The following DIAPH3 variants were observed in gnomAD, a reference collection of about 807,000 sequenced individuals.
DIAPH3 encodes the protein protein diaphanous homolog 3.
DIAPH3 carries 117 observed loss-of-function variants against 144.3 expected under a neutral mutation model. The ratio of observed to expected loss-of-function variants is 0.81; its 90% CI spans 0.70 to 0.95. The LOEUF is 0.95. Among genes scored for constraint, DIAPH3 ranks in the 40% least tolerant of loss-of-function variants. The pLI, the probability that DIAPH3 is intolerant of heterozygous loss-of-function variation, is 0.00. For missense variants in DIAPH3, 1,421 were observed against 1,412.7 expected (o/e 1.01, Z -0.09); for synonymous variants, 519 against 488.9 (o/e 1.06, Z -0.81).
At chr13:59,673,613 C>T (rs1182961101) in intron 27 of DIAPH3, among the ~76,000 whole-genome samples, 1 of 152,076 alleles carries the variant, frequency 6.6e-6, no homozygotes, top group Non-Finnish European at 1.5e-5. Flanking sequence ...TTAACCAAGC[C>T]AGAAAGACCA....
intron 27 of DIAPH3, among the ~76,000 whole-genome samples, chr13:59,735,796 T>G (rs1234047331): frequency 6.6e-6 from 1 of 152,156 alleles, no homozygotes; most frequent in Non-Finnish European, 1.5e-5. Context: ...TAACTTCTAT[T>G]TTAAGTTCAG....
chr13:59,815,668 C>T (rs988958907), intron 24 of DIAPH3, among the ~76,000 whole-genome samples: 1 of 151,972 alleles, frequency 6.6e-6, no homozygotes, highest in African/African-American at 2.4e-5. Context: ...ATTGTCTAAG[C>T]TGGTCTTGAA....
At chr13:60,160,022 G>A (rs544036328) in intron 1 of DIAPH3, among the ~76,000 whole-genome samples, 15 of 152,214 alleles carry the variant, frequency 9.9e-5, no homozygotes, top group Admixed American at 6.5e-4. Flanking sequence ...TCAGGAGTTC[G>A]AGACCATCCT....
chr13:60,006,300 T>C (rs1790939756), intron 9 of DIAPH3, among the ~76,000 whole-genome samples: 1 of 152,208 alleles, frequency 6.6e-6, no homozygotes, highest in Non-Finnish European at 1.5e-5. Context: ...GGGCTTTGTC[T>C]TTAACAAGCC....
chr13:59,936,636 G>C (rs927782054), intron 17 of DIAPH3, among the ~76,000 whole-genome samples: 1 of 152,108 alleles, frequency 6.6e-6, no homozygotes, highest in African/African-American at 2.4e-5. Flanking sequence ...ACTGAGAGAA[G>C]AAAGTAAAAG....
chr13:59,970,856 A>T lies in DIAPH3; in HGVS notation c.1955T>A (p.Leu652Ter). 1 of 1,612,144 alleles carries T rather than the reference A, an allele frequency of 6.2e-7. No individual in the cohort carries two copies. Among genetic ancestry groups the T allele is most frequent in the Non-Finnish European group, 8.5e-7 (1 of 1,179,392 alleles). The change falls in exon 16 of 28, where the codon TTA (leucine) becomes TAA (stop). Residue 652 changes from leucine to a stop codon, truncating the protein, a stop_gained. Transcript: ENST00000400324. LOFTEE classifies it high-confidence loss of function. ...TCCTCTATTAATTTCTTTTACCTTT[A>T]ACCAATTCAATCTTCTCATGCTGAT... is the stretch of plus-strand genomic sequence containing the variant. ...PEISMRRLNW[L>*]KIRPHEMTEN...
At chr13:59,697,697 C>T (rs2047198581) in intron 27 of DIAPH3, among the ~76,000 whole-genome samples, 1 of 151,966 alleles carries the variant, frequency 6.6e-6, no homozygotes. Flanking sequence ...GTGAGGCCCA[C>T]CATTGGAACA....
intron 18 of DIAPH3, among the ~76,000 whole-genome samples, chr13:59,923,427 C>G (rs1170903916): frequency 2.6e-5 from 4 of 152,022 alleles, no homozygotes; most frequent in Non-Finnish European, 1.5e-5. Context: ...ATATGTACAT[C>G]ATGCAAAAAA....
At chr13:59,766,777 A>T (rs1383629422) in intron 27 of DIAPH3, among the ~76,000 whole-genome samples, 1 of 147,322 alleles carries the variant, frequency 6.8e-6, no homozygotes, top group Non-Finnish European at 1.5e-5. Context: ...TTTTCTTCAT[A>T]TCTAGGCTTT....
intron 25 of DIAPH3, among the ~76,000 whole-genome samples, chr13:59,802,870 G>A (rs141640584): frequency 1.8e-4 from 27 of 148,704 alleles, no homozygotes; most frequent in African/African-American, 6.7e-4. Flanking sequence ...ATTTTTAGTA[G>A]AGACGGGGTT....
chr13:59,818,412 C>A (rs1252177049), intron 24 of DIAPH3, among the ~76,000 whole-genome samples: 1 of 151,902 alleles, frequency 6.6e-6, no homozygotes, highest in Non-Finnish European at 1.5e-5. Context: ...CTTCAGCCTT[C>A]CATTTTTGCA....
intron 27 of DIAPH3, among the ~76,000 whole-genome samples, chr13:59,714,948 C>G (rs796880481): frequency 4.6e-5 from 7 of 151,544 alleles, no homozygotes; most frequent in African/African-American, 1.7e-4. Context: ...TCCATATTCT[C>G]CCTCTCCCAA....
chr13:59,748,384 A>T (rs2139096208), intron 27 of DIAPH3, among the ~76,000 whole-genome samples: 1 of 152,314 alleles, frequency 6.6e-6, no homozygotes, highest in South Asian at 2.1e-4. Context: ...TGAAAACACA[A>T]ATACTCTCTG....
chr13:59,683,998 A>C (rs1460278764), intron 27 of DIAPH3, among the ~76,000 whole-genome samples: 1 of 151,924 alleles, frequency 6.6e-6, no homozygotes, highest in Non-Finnish European at 1.5e-5. Context: ...TCTCCTGTTA[A>C]TTCTGACATA....
intron 3 of DIAPH3, among the ~76,000 whole-genome samples, chr13:60,101,641 G>C (rs1217556589): frequency 6.6e-6 from 1 of 152,030 alleles, no homozygotes; most frequent in African/African-American, 2.4e-5. Context: ...CCCTGCCCTA[G>C]AGTGTCCTTG....
intron 24 of DIAPH3, 125 bp downstream of exon 24, chr13:59,832,982 T>G: frequency 3.7e-6 from 3 of 807,382 alleles, no homozygotes; most frequent in South Asian, 1.6e-5. Flanking sequence ...ATCTGAAATT[T>G]TATAGCTTTC....
intron 27 of DIAPH3, among the ~76,000 whole-genome samples, chr13:59,701,232 T>C (rs1302770169): frequency 6.6e-6 from 1 of 152,246 alleles, no homozygotes; most frequent in African/African-American, 2.4e-5. Context: ...GTTCGCAATA[T>C]GATATAACAA....
intron 23 of DIAPH3, 44 bp downstream of exon 23, chr13:59,839,280 C>G: frequency 6.2e-7 from 1 of 1,607,384 alleles, no homozygotes; most frequent in Non-Finnish European, 8.5e-7. Context: ...AATTGTATCT[C>G]TAGTTGACTA....
At chr13:59,863,597 C>T (rs778262836) in intron 21 of DIAPH3, among the ~76,000 whole-genome samples, 1 of 152,104 alleles carries the variant, frequency 6.6e-6, no homozygotes, top group Non-Finnish European at 1.5e-5. Flanking sequence ...GAACAGTGAG[C>T]TACCCACCTA....
Sources: gnomAD v4.1 joint callset for allele counts (sites outside exome capture counted in the v4.1 genomes callset) on GRCh38, gnomAD v4.1.1 for gene constraint, MANE v1.5 for transcripts, NCBI Gene and HGNC (gene_info 2026-07-23, HGNC 2026-07-21) for gene names.